The following ADAMTS12 variants were observed in gnomAD, a reference collection of about 807,000 sequenced individuals.
The protein encoded by ADAMTS12 is A disintegrin and metalloproteinase with thrombospondin motifs 12.
A neutral mutation model predicts 167.8 loss-of-function variants in ADAMTS12; 118 were observed. That is an observed-to-expected ratio of 0.70 (90% CI 0.61 to 0.82). ADAMTS12 has a LOEUF of 0.82. ADAMTS12 is among the 40% of genes least tolerant of loss of function. The pLI is 0.00. For synonymous variants in ADAMTS12, 704 were observed against 716.9 expected, an observed-to-expected ratio of 0.98 and a Z score of 0.29; for missense variants, 1,916 against 1,998.8, an observed-to-expected ratio of 0.96 and a Z score of 0.79.
intron 19 of ADAMTS12, among the ~76,000 whole-genome samples, 195 bp downstream of exon 19, chr5:33,575,859 T>G (rs990873931): frequency 2.6e-5 from 4 of 152,212 alleles, no homozygotes; most frequent in African/African-American, 9.6e-5. Context: ...ACAAGTTATA[T>G]AATTTACATA....
chr5:33,551,953 C>T (rs2111843241), intron 20 of ADAMTS12, among the ~76,000 whole-genome samples: 1 of 152,218 alleles, frequency 6.6e-6, no homozygotes, highest in East Asian at 1.9e-4. Flanking sequence ...TCCTGTTTTC[C>T]TAATGTAAAG....
chr5:33,577,040 A>G lies in ADAMTS12; in HGVS notation c.2986T>C (p.Cys996Arg). ...NSRALCGLQQ[C>R]PSSRRVLKPN... is the part of the protein sequence containing the mutation. ...TTCAGAACTCTCCGGCTAGAAGGGC[A>G]TTGCTGGAGGCCACACAGAGCTCGG... Residue 996 changes from cysteine (C) to arginine (R), a missense_variant, in exon 19 of 24, where the codon TGC (cysteine) becomes CGC (arginine). Cys to Arg is a radical substitution (Grantham distance 180). Transcript: ENST00000504830. 6.2e-7 allele frequency: 1 copy of G among 1,614,182 alleles called. No individual in the cohort carries two copies. The highest frequency in any genetic ancestry group is 8.5e-7 in the Non-Finnish European group (1 of 1,180,026).
In ADAMTS12 at chr5:33,595,921, T is replaced by A. The variant is rs1442688025; in HGVS notation, c.2654+13A>T. 1.2e-6 allele frequency: 2 copies of A among 1,613,946 alleles called. No individual in the cohort carries two copies. The highest frequency in any genetic ancestry group is 2.2e-5 in the South Asian group (2 of 91,036). On this transcript the variant is annotated intron_variant, in intron 17 of 23. Coordinates refer to ENST00000504830, the MANE Select transcript of ADAMTS12 (RefSeq NM_030955.4). ...GGCAGACACACAGAGCTCCAGCTGT[T>A]AGCGATGGTTACCTGGGTGGACAAG...
intron 2 of ADAMTS12, among the ~76,000 whole-genome samples, chr5:33,785,341 C>T (rs1746288836): frequency 6.6e-6 from 1 of 151,956 alleles, no homozygotes; most frequent in Non-Finnish European, 1.5e-5. Flanking sequence ...AAATCGCAAA[C>T]TTTGCTCTCA....
chr5:33,656,481 T>C (rs1462589886), intron 7 of ADAMTS12, among the ~76,000 whole-genome samples: 2 of 152,214 alleles, frequency 1.3e-5, no homozygotes, highest in African/African-American at 2.4e-5. Flanking sequence ...ACATTGCTTT[T>C]GAAGGACATG....
intron 1 of ADAMTS12, among the ~76,000 whole-genome samples, chr5:33,887,747 G>GC (rs998254060): frequency 1.8e-4 from 28 of 151,720 alleles, no homozygotes; most frequent in African/African-American, 6.5e-4. Context: ...TCAGTCTATA[G>GC]TAGTTATTCT....
intron 21 of ADAMTS12, among the ~76,000 whole-genome samples, 170 bp downstream of exon 21, chr5:33,549,037 G>C (rs1417416211): frequency 6.6e-6 from 1 of 152,220 alleles, no homozygotes; most frequent in East Asian, 1.9e-4. Context: ...CCTCCTGAAA[G>C]TGTTAGACCC....
chr5:33,662,111 C>A, intron 5 of ADAMTS12, 71 bp from the exon 6 acceptor site: 9 of 1,572,294 alleles, frequency 5.7e-6, no homozygotes, highest in Non-Finnish European at 7.7e-6. Flanking sequence ...ATTAGGCATT[C>A]ATCTCCAGAG....
intron 2 of ADAMTS12, among the ~76,000 whole-genome samples, chr5:33,778,786 A>C (rs1238040807): frequency 5.9e-5 from 9 of 152,204 alleles, no homozygotes; most frequent in Admixed American, 5.2e-4. Context: ...ATAAGGGGTA[A>C]ATATCCAAAA....
chr5:33,849,030 AAT>A (rs1170565694), intron 2 of ADAMTS12, among the ~76,000 whole-genome samples: 4 of 144,900 alleles, frequency 2.8e-5, no homozygotes, highest in African/African-American at 7.7e-5. Context: ...ATTGCATAGC[AAT>A]ATATATATAT....
intron 12 of ADAMTS12, among the ~76,000 whole-genome samples, chr5:33,631,727 T>C (rs1739945023): frequency 6.6e-6 from 1 of 152,240 alleles, no homozygotes; most frequent in South Asian, 2.1e-4. Flanking sequence ...ATGTATATGA[T>C]AAGAAGAATT....
chr5:33,854,329 C>A (rs905822478), intron 2 of ADAMTS12, among the ~76,000 whole-genome samples: 17 of 152,274 alleles, frequency 1.1e-4, no homozygotes, highest in African/African-American at 3.9e-4. Context: ...TGGAGGGAGG[C>A]TCTGGACACC....
intron 2 of ADAMTS12, among the ~76,000 whole-genome samples, chr5:33,808,511 T>C (rs577695228): frequency 9.8e-5 from 15 of 152,352 alleles, no homozygotes; most frequent in African/African-American, 3.6e-4. Context: ...TAGAATAAAA[T>C]TGTGTACAGT....
At chr5:33,730,949 C>A (rs545150662) in intron 3 of ADAMTS12, among the ~76,000 whole-genome samples, 1 of 152,006 alleles carries the variant, frequency 6.6e-6, no homozygotes, top group Admixed American at 6.5e-5. Context: ...CAGACAGACC[C>A]GGATACAAAT....
intron 11 of ADAMTS12, among the ~76,000 whole-genome samples, chr5:33,640,290 C>A (rs1740392035): frequency 6.6e-6 from 1 of 152,192 alleles, no homozygotes; most frequent in South Asian, 2.1e-4. Flanking sequence ...CAAACTGTGG[C>A]CTTGGAGATG....
intron 16 of ADAMTS12, among the ~76,000 whole-genome samples, chr5:33,613,160 C>T (rs1434017237): frequency 1.3e-5 from 2 of 152,198 alleles, no homozygotes; most frequent in East Asian, 3.9e-4. Flanking sequence ...TGGCACATCA[C>T]TCTGCAGCTG....
intron 11 of ADAMTS12, among the ~76,000 whole-genome samples, chr5:33,639,257 C>T (rs73758930): frequency 0.024 from 3,686 of 152,148 alleles, 149 homozygotes; most frequent in African/African-American, 0.085. Context: ...TTATATACTA[C>T]CATGTGCTCA....
intron 14 of ADAMTS12, among the ~76,000 whole-genome samples, chr5:33,623,584 A>T (rs537183670): frequency 5.9e-5 from 9 of 152,340 alleles, no homozygotes; most frequent in African/African-American, 2.2e-4. Context: ...ACTCTGCAAA[A>T]GGTGACTATG....
intron 14 of ADAMTS12, among the ~76,000 whole-genome samples, chr5:33,617,230 T>TA (rs35298166): frequency 0.016 from 2,360 of 151,516 alleles, 57 homozygotes; most frequent in African/African-American, 0.055. Flanking sequence ...TTTTTTTTTT[T>TA]AAATATAAAA....
Sources: allele counts gnomAD v4.1 joint callset (sites outside exome capture counted in the v4.1 genomes callset), GRCh38; gene constraint gnomAD v4.1.1; transcripts MANE v1.5; gene names NCBI Gene and HGNC (gene_info 2026-07-23, HGNC 2026-07-21).